Variants in PDE6A observed in about 807,000 individuals in gnomAD.
PDE6A encodes the protein rod cGMP-specific 3',5'-cyclic phosphodiesterase subunit alpha.
In PDE6A, 84 loss-of-function variants were observed where a neutral mutation model predicts 106.3. The observed-to-expected ratio is 0.79, with a 90% confidence interval of 0.66 to 0.95. The LOEUF (loss-of-function observed/expected upper bound fraction) is 0.95. Among genes scored for constraint, PDE6A ranks in the 40% least tolerant of loss-of-function variants. The probability of loss-of-function intolerance (pLI) is 0.00; values close to 1 mark genes in which losing one functional copy is unlikely to be tolerated. For synonymous variants in PDE6A, 394 were observed against 386.6 expected, an observed-to-expected ratio of 1.02 and a Z score of -0.23; for missense variants, 1,052 against 1,084.9, an observed-to-expected ratio of 0.97 and a Z score of 0.43.
intron 4 of PDE6A, among the ~76,000 whole-genome samples, chr5:149,927,819 T>C (rs1349413581): frequency 6.6e-6 from 1 of 151,924 alleles, no homozygotes; most frequent in Non-Finnish European, 1.5e-5. Flanking sequence ...AAGCTTTTTT[T>C]CTCTTAAATT....
At chr5:149,923,548 CATAACAT>C (rs1210815738) in intron 4 of PDE6A, among the ~76,000 whole-genome samples, 27 of 134,862 alleles carry the variant, frequency 2.0e-4, no homozygotes, top group African/African-American at 7.3e-4. Flanking sequence ...CATAACATAA[CATAACAT>C]AACATAACAT....
At chr5:149,932,874 C>T (rs1754083024) in intron 3 of PDE6A, among the ~76,000 whole-genome samples, 1 of 152,240 alleles carries the variant, frequency 6.6e-6, no homozygotes, top group African/African-American at 2.4e-5. Flanking sequence ...GCTCCCAGGG[C>T]GCTCAAGTGG....
chr5:149,931,228 C>A, intron 3 of PDE6A, 60 bp from the exon 4 acceptor site: 1 of 1,511,288 alleles, frequency 6.6e-7, no homozygotes, highest in Admixed American at 1.7e-5. Flanking sequence ...GCTCACTTAG[C>A]TGGAGAATAA....
intron 10 of PDE6A, 122 bp downstream of exon 10, chr5:149,898,241 A>C: frequency 1.2e-6 from 1 of 819,364 alleles, no homozygotes; most frequent in South Asian, 1.4e-5. Flanking sequence ...GAAGGAACAC[A>C]ACAGTGCACA....
chr5:149,881,209 A>G (rs1760908724), intron 17 of PDE6A, among the ~76,000 whole-genome samples: 1 of 152,218 alleles, frequency 6.6e-6, no homozygotes, highest in Non-Finnish European at 1.5e-5. Flanking sequence ...AAGAACTTCA[A>G]GTAGAATTAC....
At chr5:149,928,684 G>C (rs1163994093) in intron 4 of PDE6A, among the ~76,000 whole-genome samples, 1 of 152,280 alleles carries the variant, frequency 6.6e-6, no homozygotes, top group East Asian at 1.9e-4. Context: ...CCATGGTATA[G>C]GCGGGCCATC....
intron 9 of PDE6A, among the ~76,000 whole-genome samples, chr5:149,899,012 C>T (rs1247701994): frequency 2.6e-5 from 4 of 152,078 alleles, no homozygotes; most frequent in African/African-American, 9.7e-5. Flanking sequence ...CACAGATATG[C>T]GCTACCATGC....
intron 17 of PDE6A, among the ~76,000 whole-genome samples, chr5:149,877,627 C>T (rs1320266775): frequency 6.6e-6 from 1 of 152,154 alleles, no homozygotes; most frequent in Non-Finnish European, 1.5e-5. Context: ...CCAGACTGGT[C>T]TCGAACTCCT....
chr5:149,867,191 A>G (rs1198586949), intron 19 of PDE6A: 2 of 189,962 alleles, frequency 1.1e-5, no homozygotes, highest in Non-Finnish European at 2.2e-5. Flanking sequence ...CTTTGCCTTC[A>G]GGGACTTCAG....
chr5:149,888,046 AG>A (rs779389797), intron 13 of PDE6A, among the ~76,000 whole-genome samples: 17 of 152,018 alleles, frequency 1.1e-4, no homozygotes, highest in Non-Finnish European at 4.4e-5. Context: ...GTGAGGTGGG[AG>A]GATCGCTTGA....
intron 6 of PDE6A, among the ~76,000 whole-genome samples, chr5:149,910,090 T>A (rs152950): frequency 3.9e-5 from 6 of 152,044 alleles, no homozygotes; most frequent in African/African-American, 1.2e-4. Context: ...TGTTATGAGG[T>A]GCTTGCAAAT....
intron 1 of PDE6A, among the ~76,000 whole-genome samples, chr5:149,942,665 A>G (rs945028162): frequency 2.6e-5 from 4 of 151,948 alleles, no homozygotes; most frequent in Non-Finnish European, 5.9e-5. Context: ...ATTGATCACT[A>G]TCTCTACTAT....
Position 149,944,792 on chromosome 5 carries a change from C to T in PDE6A, c.-119G>A, listed in dbSNP as rs1338373113. The T allele has an allele frequency of 2.7e-6, 2 of 754,390 alleles. No individual in the cohort carries two copies. The highest frequency in any genetic ancestry group is 4.6e-6 in the Non-Finnish European group (2 of 433,728). 46.7% of individuals were successfully genotyped at this position (754,390 alleles called of 1,614,324 possible). ...CTCTGGGTCTTGTCTGCAAAACATACTGAGATGGCCTGCACAGGAGAGGGA... is the reference window on the plus strand; with the variant it reads ...CTCTGGGTCTTGTCTGCAAAACATATTGAGATGGCCTGCACAGGAGAGGGA... On this transcript the variant is annotated 5_prime_UTR_variant, in exon 1 of 22. Coordinates refer to ENST00000255266, the MANE Select transcript of PDE6A (RefSeq NM_000440.3).
At chr5:149,938,145 G>A (rs1046945155) in intron 1 of PDE6A, among the ~76,000 whole-genome samples, 1 of 152,196 alleles carries the variant, frequency 6.6e-6, no homozygotes, top group African/African-American at 2.4e-5. Flanking sequence ...TGGGGACCCA[G>A]ATAAGGAGAA....
At chr5:149,884,288 G>T (rs939360527) in intron 16 of PDE6A, among the ~76,000 whole-genome samples, 191 bp downstream of exon 16, 1 of 137,922 alleles carries the variant, frequency 7.3e-6, no homozygotes, top group South Asian at 2.3e-4. Context: ...GTGTATATAT[G>T]TGTATATATG....
Position 149,898,472 on chromosome 5 carries a change from T to C in PDE6A, c.1298A>G (p.Asn433Ser), listed in dbSNP as rs1230711771. ...ATTCATTGACTCATAGGTGTCAGGA[T>C]TTAAGACAGACCAGCCCAGAAATTG... ...LTQFLGWSVLNPDTYESMNKL... is the reference protein window; with the variant it reads ...LTQFLGWSVLSPDTYESMNKL... Residue 433 changes from asparagine (N) to serine (S), a missense_variant, in exon 10 of 22, where the codon AAT (asparagine) becomes AGT (serine). By Grantham distance (46) the Asn-to-Ser change is conservative. Around this residue, in one of 3 missense-constraint regions of PDE6A, gnomAD observed 913 missense variants for 915.2 expected, o/e 1.00. Coordinates refer to ENST00000255266, the MANE Select transcript of PDE6A (RefSeq NM_000440.3). 6.2e-6 allele frequency: 10 copies of C among 1,613,708 alleles called. No individual in the cohort carries two copies. In the Admixed American group the frequency reaches 1.7e-4, roughly 27 times the overall value.
chr5:149,904,930 TTAC>T (rs1444901750), intron 7 of PDE6A, among the ~76,000 whole-genome samples: 2 of 152,116 alleles, frequency 1.3e-5, no homozygotes, highest in African/African-American at 2.4e-5. Context: ...TTTGCATTCT[TTAC>T]CTTCTCGTTA....
At position 149,884,840 on chromosome 5, in the gene PDE6A, A is replaced by G. The variant is rs778530973; in HGVS notation, c.1866T>C (p.His622=). Reference sequence around the variant, plus strand: ...GGTGTCTTTCCAAGATAGAGGACCCATGGAGCTTGGCCAGTGGGTTCTGGG... The same window carrying G: ...GGTGTCTTTCCAAGATAGAGGACCCGTGGAGCTTGGCCAGTGGGTTCTGGG... ...MKSQNPLAKL[H]GSSILERHHL... The change falls in exon 15 of 22, where the codon CAT becomes CAC. Residue 622 remains histidine (H), a synonymous_variant. Transcript: ENST00000255266. The G allele has an allele frequency of 1.2e-6, 2 of 1,614,062 alleles. No individual in the cohort carries two copies. Among genetic ancestry groups the G allele is most frequent in the Non-Finnish European group, 1.7e-6 (2 of 1,180,006 alleles).
intron 15 of PDE6A, 64 bp from the exon 16 acceptor site, chr5:149,884,643 C>A (rs1193428880): frequency 1.4e-6 from 2 of 1,440,784 alleles, no homozygotes; most frequent in Non-Finnish European, 2.0e-6. Flanking sequence ...CACCCACCTA[C>A]CAATGGCCAC....
Sources: gnomAD v4.1 joint callset for allele counts (sites outside exome capture counted in the v4.1 genomes callset) on GRCh38, gnomAD v4.1.1 for gene constraint, gnomAD v4.1.1 regional missense constraint, MANE v1.5 for transcripts, NCBI Gene and HGNC (gene_info 2026-07-23, HGNC 2026-07-21) for gene names.